The following HPCAL1 variants were observed in gnomAD, a reference collection of about 807,000 sequenced individuals.
HPCAL1 encodes hippocalcin-like protein 1.
A neutral mutation model predicts 17.1 loss-of-function variants in HPCAL1; 8 were observed. The observed-to-expected ratio is 0.47, with a 90% confidence interval of 0.27 to 0.84. The LOEUF is 0.84. Ranked by LOEUF, HPCAL1 falls within the 40% of genes least tolerant of loss-of-function variation. The pLI, the probability that HPCAL1 is intolerant of heterozygous loss-of-function variation, is 0.13. For missense variants in HPCAL1, 165 were observed against 271.1 expected, an observed-to-expected ratio of 0.61 and a Z score of 2.75; for synonymous variants, 112 against 111.4, an observed-to-expected ratio of 1.01 and a Z score of -0.03.
intron 2 of HPCAL1, among the ~76,000 whole-genome samples, chr2:10,415,821 C>T (rs879185087): frequency 1.3e-5 from 2 of 152,224 alleles, no homozygotes; most frequent in African/African-American, 2.4e-5. Context: ...CCCTGTGCCC[C>T]GGAGCCTGGC....
chr2:10,328,751 T>C (rs1664168282), intron 1 of HPCAL1, among the ~76,000 whole-genome samples: 3 of 152,238 alleles, frequency 2.0e-5, no homozygotes, highest in Admixed American at 1.3e-4. Flanking sequence ...TTTCTGTCTG[T>C]TTATTTCTAT....
At chr2:10,335,058 A>G (rs1285741580) in intron 1 of HPCAL1, among the ~76,000 whole-genome samples, 1 of 152,210 alleles carries the variant, frequency 6.6e-6, no homozygotes, top group African/African-American at 2.4e-5. Flanking sequence ...AAAGAGTGCC[A>G]TATGAATATT....
At position 10,392,096 on chromosome 2, in the gene HPCAL1, G is replaced by A. The variant is rs1668735034; in HGVS notation, c.-110-4739G>A. On this transcript the variant is annotated intron_variant, in intron 1 of 4. Transcript: ENST00000307845. The stretch of plus-strand genomic sequence containing the variant: ...CTCGATCTATCCCTCGGGCGGGAGT[G>A]CAGTGGCATGACCATAGCTCACTGC... Among the ~76,000 whole-genome samples the A allele has an allele frequency of 2.6e-5, 4 of 152,118 alleles. No individual in the cohort carries two copies. In the South Asian group the frequency reaches 8.3e-4, roughly 32 times the overall value.
At chr2:10,326,494 G>C (rs2125411049) in intron 1 of HPCAL1, among the ~76,000 whole-genome samples, 1 of 152,310 alleles carries the variant, frequency 6.6e-6, no homozygotes, top group African/African-American at 2.4e-5. Context: ...CTTGTGGGGG[G>C]AATTGGCCGC....
At chr2:10,376,598 G>T (rs531878700) in intron 1 of HPCAL1, among the ~76,000 whole-genome samples, 1 of 152,100 alleles carries the variant, frequency 6.6e-6, no homozygotes, top group African/African-American at 2.4e-5. Flanking sequence ...ACCACACCTG[G>T]TTAATTTTTG....
In HPCAL1 at chr2:10,410,436, CTTTTTTTTTT is replaced by C. The variant is rs36002921; in HGVS notation, c.-24-9282_-24-9273del. Among the ~76,000 whole-genome samples the C allele has an allele frequency of 1.9e-4, 15 of 77,526 alleles. 1 individual carries two copies. The South Asian group carries it at 2.4e-3, about 12-fold the overall frequency. 50.9% of individuals were successfully genotyped at this position (77,526 alleles called of 152,430 possible). On this transcript the variant is annotated intron_variant, in intron 2 of 4. Coordinates refer to ENST00000307845, the MANE Select transcript of HPCAL1 (RefSeq NM_002149.4). ...CCTTGTTCCTCTTTTTCTTCTTCTT[CTTTTTTTTTT>C]TTTTTTTTTTTTTTTACAATTCAGC...
At chr2:10,383,682 A>G (rs887371788) in intron 1 of HPCAL1, among the ~76,000 whole-genome samples, 5 of 109,244 alleles carry the variant, frequency 4.6e-5, no homozygotes, top group Non-Finnish European at 7.3e-5. Context: ...TTCTCAAAAA[A>G]AAAAGAAAAG....
intron 1 of HPCAL1, among the ~76,000 whole-genome samples, chr2:10,327,560 T>C (rs983598658): frequency 2.0e-5 from 3 of 152,244 alleles, no homozygotes; most frequent in African/African-American, 7.2e-5. Flanking sequence ...AAGTATATTA[T>C]ATCATACTTT....
Position 10,342,739 on chromosome 2 carries a change from CAA to C in HPCAL1, c.-111+39564_-111+39565del, listed in dbSNP as rs960098379. ...TTTGTCACCCAGCCGGACTCCTGGG[CAA>C]AGAGAGGCACAATCTGTTCCCGGTT... On this transcript the variant is annotated intron_variant, in intron 1 of 4. Transcript: ENST00000307845. This position sits in a 1 kb window ranked among gnomAD's most constrained non-coding sequence, Gnocchi z 4.1. Among the ~76,000 whole-genome samples the C allele has an allele frequency of 1.1e-3, 165 of 152,336 alleles. No homozygotes were observed. The highest frequency in any genetic ancestry group is 3.9e-3 in the African/African-American group (161 of 41,588).
intron 2 of HPCAL1, among the ~76,000 whole-genome samples, chr2:10,404,612 C>T (rs1475001710): frequency 2.6e-5 from 4 of 152,244 alleles, no homozygotes; most frequent in South Asian, 4.1e-4. Context: ...GCCCTGCAGG[C>T]GCTGAGCAGC....
rs964638549 is a variant in HPCAL1 at position 10,329,775 on chromosome 2, C to T, written c.-111+26598C>T. Among the ~76,000 whole-genome samples, 9 of 152,294 alleles carry T rather than the reference C, an allele frequency of 5.9e-5. 2 individuals carry two copies. The highest frequency in any genetic ancestry group is 6.5e-5 in the Admixed American group (1 of 15,306). ...CCCAGATCCTGGGCTCCAGGTGGGCCTGGGTTGGGGCTCCCAGCTGCAGGA... is the reference window on the plus strand; with the variant it reads ...CCCAGATCCTGGGCTCCAGGTGGGCTTGGGTTGGGGCTCCCAGCTGCAGGA... On this transcript the variant is annotated intron_variant, in intron 1 of 4. Coordinates refer to ENST00000307845, the MANE Select transcript of HPCAL1 (RefSeq NM_002149.4).
At chr2:10,313,669 C>T (rs1663123235) in intron 1 of HPCAL1, among the ~76,000 whole-genome samples, 3 of 152,204 alleles carry the variant, frequency 2.0e-5, no homozygotes, top group Non-Finnish European at 4.4e-5. Flanking sequence ...ATTGCCTCTC[C>T]AGATCTCAGT....
intron 1 of HPCAL1, among the ~76,000 whole-genome samples, chr2:10,327,106 C>A (rs1664065959): frequency 6.6e-6 from 1 of 152,194 alleles, no homozygotes; most frequent in African/African-American, 2.4e-5. Context: ...TGCCTCTTCA[C>A]TGCAGCATCT....
At chr2:10,406,751 C>T (rs1444547054) in intron 2 of HPCAL1, among the ~76,000 whole-genome samples, 1 of 152,228 alleles carries the variant, frequency 6.6e-6, no homozygotes, top group East Asian at 1.9e-4. Context: ...TGTAGAAACA[C>T]GGAACTGTCA....
At position 10,362,328 on chromosome 2, in the gene HPCAL1, G is replaced by A. The variant is rs951184333; in HGVS notation, c.-110-34507G>A. ...GTGGCAGCATGGGGGGCGGGGGCAG[G>A]AGCATGGGGGACAACAGTCCAGGGA... On this transcript the variant is annotated intron_variant, in intron 1 of 4. Coordinates refer to ENST00000307845, the MANE Select transcript of HPCAL1 (RefSeq NM_002149.4). This position sits in a 1 kb window ranked among gnomAD's most constrained non-coding sequence, Gnocchi z 5.0. Among the ~76,000 whole-genome samples, 6 of 152,186 alleles carry A rather than the reference G, an allele frequency of 3.9e-5. No individual in the cohort carries two copies. Among genetic ancestry groups the A allele is most frequent in the African/African-American group, 1.2e-4 (5 of 41,520 alleles).
intron 2 of HPCAL1, chr2:10,408,432 CAACAGCT>C (rs1425818819): frequency 2.0e-5 from 3 of 152,254 alleles, no homozygotes; most frequent in Non-Finnish European, 4.4e-5. Context: ...TGCCGTGATG[CAACAGCT>C]TTCAGGAAGG....
At position 10,330,208 on chromosome 2, in the gene HPCAL1, C is replaced by T. The variant is rs1664271440; in HGVS notation, c.-111+27031C>T. 1 of 152,066 alleles carries T rather than the reference C, an allele frequency of 6.6e-6. No homozygotes were observed. Among genetic ancestry groups the T allele is most frequent in the Non-Finnish European group, 1.5e-5 (1 of 68,034 alleles). The allele number at this position is 152,066 out of a possible 1,614,324, so 9.4% of individuals were successfully genotyped here. A position where few individuals can be genotyped will look rare whatever the true frequency, so the allele number is the denominator to read the frequency against. ...CTGTCGGCGCCACAGGGAATGGGGGCTGGTGAGTCGTGCTCAGAAGGTCCC... is the reference window on the plus strand; with the variant it reads ...CTGTCGGCGCCACAGGGAATGGGGGTTGGTGAGTCGTGCTCAGAAGGTCCC... On this transcript the variant is annotated intron_variant, in intron 1 of 4. Transcript: ENST00000307845. The surrounding 1 kb of genome is among the most constrained non-coding windows in gnomAD (Gnocchi z 4.2).
intron 1 of HPCAL1, among the ~76,000 whole-genome samples, chr2:10,334,882 T>G (rs1664622947): frequency 6.6e-6 from 1 of 152,182 alleles, no homozygotes. Context: ...TTTGCCAAGT[T>G]GCCCAGCCTG....
intron 2 of HPCAL1, among the ~76,000 whole-genome samples, chr2:10,403,454 TTGTGTGTGTGTGTGTGTGTG>T (rs70948890): frequency 1.5e-4 from 10 of 65,106 alleles, no homozygotes; most frequent in South Asian, 5.7e-4. Context: ...AAGAGTTCTT[TTGTGTGTGTGTGTGTGTGTG>T]TGTGTGTGTG....
Sources: allele counts gnomAD v4.1 joint callset (sites outside exome capture counted in the v4.1 genomes callset), GRCh38; gene constraint gnomAD v4.1.1; non-coding constraint Gnocchi (gnomAD v3.1); transcripts MANE v1.5; gene names NCBI Gene and HGNC (gene_info 2026-07-23, HGNC 2026-07-21).